Variants in ALMS1 observed in about 807,000 individuals in gnomAD.
ALMS1 encodes the protein ALMS1 centrosome and basal body associated protein.
Under a neutral mutation model 352.2 loss-of-function variants are expected in ALMS1, and 271 were observed. That is an observed-to-expected ratio of 0.77 (90% CI 0.70 to 0.85). The LOEUF is 0.85. Among genes scored for constraint, ALMS1 ranks in the 40% least tolerant of loss-of-function variants. ALMS1 has a pLI of 0.00. For missense variants in ALMS1, 5,445 were observed against 4,870.7 expected (o/e 1.12, Z -3.51); for synonymous variants, 1,865 against 1,761.2 (o/e 1.06, Z -1.48).
chr2:73,539,053 C>T (rs1674099707), intron 12 of ALMS1, among the ~76,000 whole-genome samples: 1 of 152,312 alleles, frequency 6.6e-6, no homozygotes, highest in South Asian at 2.1e-4. Context: ...TCCCAGCACA[C>T]AGCTGGAGAT....
intron 7 of ALMS1, among the ~76,000 whole-genome samples, chr2:73,433,876 G>A (rs567154608): frequency 1.2e-4 from 19 of 152,110 alleles, no homozygotes; most frequent in African/African-American, 4.6e-4. Context: ...ATTTAGCTAG[G>A]CTATCTGTTT....
chr2:73,570,429 T>C (rs1398095875), intron 15 of ALMS1, among the ~76,000 whole-genome samples: 2 of 152,198 alleles, frequency 1.3e-5, no homozygotes, highest in African/African-American at 4.8e-5. Context: ...ATTGATCATA[T>C]TAGCAAGAGC....
intron 5 of ALMS1, among the ~76,000 whole-genome samples, chr2:73,425,382 G>A (rs549556383): frequency 6.6e-6 from 1 of 152,158 alleles, no homozygotes; most frequent in Non-Finnish European, 1.5e-5. Context: ...GAATGTTATA[G>A]CTCCTGATAA....
chr2:73,413,615 A>G (rs1572907536), intron 2 of ALMS1, among the ~76,000 whole-genome samples: 1 of 152,186 alleles, frequency 6.6e-6, no homozygotes, highest in Admixed American at 6.5e-5. Context: ...CCATGGTTGA[A>G]GGGAGAGGCG....
chr2:73,482,839 C>G (rs1214597816), intron 9 of ALMS1, among the ~76,000 whole-genome samples: 1 of 151,654 alleles, frequency 6.6e-6, no homozygotes, highest in African/African-American at 2.4e-5. Flanking sequence ...TTATCCATTT[C>G]TTCTAGATTT....
chr2:73,553,610 T>G (rs1674484218), intron 13 of ALMS1, among the ~76,000 whole-genome samples: 1 of 152,194 alleles, frequency 6.6e-6, no homozygotes, highest in Non-Finnish European at 1.5e-5. Flanking sequence ...TAAATGTAAT[T>G]ACAGTATACT....
intron 10 of ALMS1, among the ~76,000 whole-genome samples, chr2:73,494,684 G>A (rs1673066766): frequency 1.3e-5 from 2 of 152,104 alleles, no homozygotes; most frequent in Admixed American, 1.3e-4. Flanking sequence ...TTAGATTAGG[G>A]TTATGCATTC....
rs753655534 is a variant in ALMS1, at chr2:73,491,334, C to T, written c.9375C>T (p.Phe3125=). The T allele has an allele frequency of 1.1e-5, 18 of 1,614,066 alleles. No individual in the cohort carries two copies. The highest frequency in any genetic ancestry group is 1.6e-4 in the Middle Eastern group (1 of 6,084). Residue 3125 remains phenylalanine, a synonymous_variant, in exon 10 of 23, where the codon TTC becomes TTT. Transcript: ENST00000613296. The part of the protein sequence containing the change: ...GFLGPKSSLD[F]QVVQPSLPDS... ...TAGGACCTAAATCTTCACTGGATTT[C>T]CAAGTCGTACAGCCTTCTCTTCCAG...
chr2:73,466,176 C>CA (rs1254673087), intron 9 of ALMS1, among the ~76,000 whole-genome samples: 1 of 152,126 alleles, frequency 6.6e-6, no homozygotes, highest in African/African-American at 2.4e-5. Flanking sequence ...TATAAAGACA[C>CA]ATACACATGT....
chr2:73,535,771 G>C (rs1402419573), intron 12 of ALMS1, among the ~76,000 whole-genome samples: 2 of 152,050 alleles, frequency 1.3e-5, no homozygotes, highest in Non-Finnish European at 2.9e-5. Flanking sequence ...TGTGGTGTAG[G>C]GTTTTGATTG....
intron 1 of ALMS1, among the ~76,000 whole-genome samples, chr2:73,391,534 A>C (rs1162831337): frequency 2.7e-5 from 4 of 150,474 alleles, no homozygotes; most frequent in African/African-American, 9.8e-5. Context: ...ACCTCGTGAT[A>C]CACCCGCCTC....
intron 7 of ALMS1, among the ~76,000 whole-genome samples, chr2:73,437,969 T>G (rs961443602): frequency 1.3e-5 from 2 of 152,178 alleles, no homozygotes; most frequent in Non-Finnish European, 2.9e-5. Context: ...TCACGCTCTT[T>G]TCTTGCTACT....
chr2:73,431,827 C>G (rs551957087), intron 6 of ALMS1, among the ~76,000 whole-genome samples: 17 of 152,276 alleles, frequency 1.1e-4, no homozygotes, highest in African/African-American at 3.6e-4. Context: ...CTGAGCTTGT[C>G]CAGAATAATC....
chr2:73,558,961 C>G lies in ALMS1; in HGVS notation c.10214-11C>G, dbSNP rs1365430683. The G allele has an allele frequency of 6.2e-7, 1 of 1,613,754 alleles. No individual in the cohort carries two copies. Among genetic ancestry groups the G allele is most frequent in the Non-Finnish European group, 8.5e-7 (1 of 1,179,838 alleles). On this transcript the variant is annotated splice_polypyrimidine_tract_variant and intron_variant, in intron 14 of 22. Coordinates refer to ENST00000613296, the MANE Select transcript of ALMS1 (RefSeq NM_001378454.1). ...TCCTGTCTGTATAGTGTGTTAATTT[C>G]CCTTTCGTAGATTCCAGTGCTGCTG...
At chr2:73,569,978 A>G (rs1674884718) in intron 15 of ALMS1, among the ~76,000 whole-genome samples, 1 of 152,226 alleles carries the variant, frequency 6.6e-6, no homozygotes, top group Admixed American at 6.5e-5. Flanking sequence ...TATTTGACAA[A>G]TAGATTGGAA....
intron 11 of ALMS1, 145 bp from the exon 12 acceptor site, chr2:73,534,679 T>C: frequency 1.3e-6 from 1 of 765,782 alleles, no homozygotes; most frequent in Non-Finnish European, 2.1e-6. Flanking sequence ...CTCATTCTTC[T>C]TGAAGGCAGA....
At chr2:73,418,001 T>C (rs549372125) in intron 2 of ALMS1, among the ~76,000 whole-genome samples, 19 of 152,210 alleles carry the variant, frequency 1.2e-4, no homozygotes, top group Non-Finnish European at 2.5e-4. Context: ...GAAACTTTTA[T>C]AGTAGTTGGA....
intron 7 of ALMS1, among the ~76,000 whole-genome samples, chr2:73,445,800 C>T (rs1671801859): frequency 1.3e-5 from 2 of 152,126 alleles, no homozygotes; most frequent in Admixed American, 1.3e-4. Context: ...TGGCAGCCAT[C>T]TTCCTCTTCT....
intron 1 of ALMS1, among the ~76,000 whole-genome samples, chr2:73,386,848 A>C (rs919391936): frequency 2.0e-5 from 3 of 152,154 alleles, no homozygotes; most frequent in African/African-American, 7.2e-5. Context: ...TTTTGAAAAT[A>C]ACTCTCCATT....
Sources: gnomAD v4.1 joint callset for allele counts (sites outside exome capture counted in the v4.1 genomes callset) on GRCh38, gnomAD v4.1.1 for gene constraint, MANE v1.5 for transcripts, NCBI Gene and HGNC (gene_info 2026-07-23, HGNC 2026-07-21) for gene names.